The following SDE2 variants were observed in gnomAD, a reference collection of about 807,000 sequenced individuals.
SDE2 encodes the protein spliceosome associated SDE2.
A neutral mutation model predicts 46.9 loss-of-function variants in SDE2; 31 were observed. That is an observed-to-expected ratio of 0.66 (90% confidence interval 0.50 to 0.89). The LOEUF is 0.89. Among genes scored for constraint, SDE2 ranks in the 40% least tolerant of loss-of-function variants. The pLI is 0.00. For missense variants in SDE2, 542 were observed against 564.4 expected (o/e 0.96, Z 0.40); for synonymous variants, 205 against 204.3 (o/e 1.00, Z -0.03).
chr1:225,991,243 C>T lies in SDE2; in HGVS notation c.641G>A (p.Trp214Ter), dbSNP rs1558084413. ...GASAGKRRCF[W>*]LGMEGLETAE... ...TTGGGAACGAAAGTGAAACACTTAC[C>T]AGAAGCATCTCCTCTTTCCCGCACT... The change falls in exon 5 of 7, where the codon TGG becomes TAG. Residue 214 changes from tryptophan (W) to a stop codon, truncating the protein, a stop_gained and splice_region_variant. Coordinates refer to ENST00000272091, the MANE Select transcript of SDE2 (RefSeq NM_152608.4). LOFTEE classifies it high-confidence loss of function. 6.2e-7 allele frequency: 1 copy of T among 1,612,636 alleles called. No individual in the cohort carries two copies. The highest frequency in any genetic ancestry group is 1.1e-5 in the South Asian group (1 of 90,916).
chr1:225,986,541 G>A (rs1422454622), intron 6 of SDE2, among the ~76,000 whole-genome samples: 2 of 151,996 alleles, frequency 1.3e-5, no homozygotes, highest in African/African-American at 2.4e-5. Flanking sequence ...AGTTAACCTT[G>A]GCTTATTTAT....
chr1:225,988,538 G>C, intron 5 of SDE2, 150 bp from the exon 6 acceptor site: 1 of 708,580 alleles, frequency 1.4e-6, no homozygotes, highest in Non-Finnish European at 2.3e-6. Flanking sequence ...AGATCAGCCT[G>C]GCCAACACAG....
At position 225,985,219 on chromosome 1, in the gene SDE2, C is replaced by T. The variant is rs1656242741; in HGVS notation, c.*83G>A. ...CTAAAAAGTTAGCTTTTAATATCAA[C>T]AGGAATACTGGTCAAGAGTCCACAT... On this transcript the variant is annotated 3_prime_UTR_variant, in exon 7 of 7. Coordinates refer to ENST00000272091, the MANE Select transcript of SDE2 (RefSeq NM_152608.4). The T allele has an allele frequency of 2.8e-6, 3 of 1,076,306 alleles. No homozygotes were observed. Among genetic ancestry groups the T allele is most frequent in the Non-Finnish European group, 4.3e-6 (3 of 703,806 alleles). The allele number at this position is 1,076,306 out of a possible 1,614,324, so 66.7% of individuals were successfully genotyped here.
chr1:225,999,205 G>T lies in SDE2; in HGVS notation c.108C>A (p.His36Gln), dbSNP rs779760865. The T allele has an allele frequency of 6.2e-7, 1 of 1,612,500 alleles. No homozygotes were observed. Among genetic ancestry groups the T allele is most frequent in the South Asian group, 1.1e-5 (1 of 90,900 alleles). The change falls in exon 1 of 7, where the codon CAC (histidine) becomes CAA (glutamine). Residue 36 changes from histidine (H) to glutamine (Q), a missense_variant. By Grantham distance (24) the His-to-Gln change is conservative (BLOSUM62 0). Coordinates refer to ENST00000272091, the MANE Select transcript of SDE2 (RefSeq NM_152608.4). ...RCTVRDFIHRHCQDQNVPVEN... is the reference protein window; with the variant it reads ...RCTVRDFIHRQCQDQNVPVEN... ...CCGAAATCCTCACCTGATCTTGGCA[G>T]TGCCGGTGGATAAAATCCCGGACGG...
At chr1:225,992,747 T>C in intron 3 of SDE2, 144 bp downstream of exon 3, 1 of 674,396 alleles carries the variant, frequency 1.5e-6, no homozygotes, top group Non-Finnish European at 2.5e-6. Context: ...ATTATTAAAT[T>C]ATGGAAAAGG....
chr1:225,997,365 G>T (rs1369970575), intron 1 of SDE2, among the ~76,000 whole-genome samples: 1 of 152,022 alleles, frequency 6.6e-6, no homozygotes, highest in Non-Finnish European at 1.5e-5. Context: ...ATTCTTTTGT[G>T]TTTCTATTCA....
At chr1:225,987,814 C>G in intron 6 of SDE2, 82 bp downstream of exon 6, 1 of 1,272,464 alleles carries the variant, frequency 7.9e-7, no homozygotes, top group Non-Finnish European at 1.1e-6. Context: ...AGCTGAGGGG[C>G]AAAAGCACAT....
Position 225,995,273 on chromosome 1 carries a change from TC to T in SDE2, c.230del (p.Gly77GlufsTer46). ...TCAATGTTCAGGTCCTACCTCCTTT[TC>T]CACCGCAAAGTCTGGGTTCCAAACT... ...VYSLEPRLCG[G>X]KGGFGSMLRA... On this transcript the variant is annotated frameshift_variant, in exon 2 of 7. Transcript: ENST00000272091. LOFTEE classifies it high-confidence loss of function. The T allele has an allele frequency of 6.3e-7, 1 of 1,577,590 alleles. No homozygotes were observed. Among genetic ancestry groups the T allele is most frequent in the Non-Finnish European group, 8.7e-7 (1 of 1,147,902 alleles).
In SDE2 at chr1:225,991,278, G is replaced by T. The variant is rs949670528; in HGVS notation, c.606C>A (p.Asp202Glu). 6.2e-6 allele frequency: 10 copies of T among 1,613,642 alleles called. No individual in the cohort carries two copies. The highest frequency in any genetic ancestry group is 5.0e-5 in the Admixed American group (3 of 59,984). Reference sequence around the variant, plus strand: ...TCCTCTTTCCCGCACTGGCTCCTCTGTCTGTTTGAGATTTAGTAGGCCATT... The same window carrying T: ...TCCTCTTTCCCGCACTGGCTCCTCTTTCTGTTTGAGATTTAGTAGGCCATT... ...KRQWPTKSQTDRGASAGKRRC... is the reference protein window; with the variant it reads ...KRQWPTKSQTERGASAGKRRC... The change falls in exon 5 of 7, where the codon GAC becomes GAA. Residue 202 changes from aspartate (D) to glutamate (E), a missense_variant. By Grantham distance (45) the Asp-to-Glu change is conservative (BLOSUM62 2). Coordinates refer to ENST00000272091, the MANE Select transcript of SDE2 (RefSeq NM_152608.4).
chr1:225,988,516 G>A, intron 5 of SDE2, 128 bp from the exon 6 acceptor site: 1 of 863,646 alleles, frequency 1.2e-6, no homozygotes. Flanking sequence ...AGATCACGAA[G>A]TCAGTAGTTT....
In SDE2 at chr1:225,991,251, TCTC is replaced by T. The variant is rs757230117; in HGVS notation, c.630_632del (p.Arg211del). The T allele has an allele frequency of 2.5e-6, 4 of 1,613,456 alleles. No homozygotes were observed. The highest frequency in any genetic ancestry group is 3.4e-6 in the Non-Finnish European group (4 of 1,179,516). ...GAAAGTGAAACACTTACCAGAAGCATCTCCTCTTTCCCGCACTGGCTCCTCTGT... is the reference window on the plus strand; with the variant it reads ...GAAAGTGAAACACTTACCAGAAGCATCTCTTTCCCGCACTGGCTCCTCTGT... On this transcript the variant is annotated inframe_deletion, in exon 5 of 7. Coordinates refer to ENST00000272091, the MANE Select transcript of SDE2 (RefSeq NM_152608.4).
Position 225,992,511 on chromosome 1 carries a change from C to T in SDE2, c.407G>A (p.Arg136Gln), listed in dbSNP as rs769925412. 10 of 1,612,460 alleles carry T rather than the reference C, an allele frequency of 6.2e-6. No individual in the cohort carries two copies. The highest frequency in any genetic ancestry group is 2.2e-5 in the South Asian group (2 of 91,074). Residue 136 changes from arginine to glutamine, a missense_variant, in exon 4 of 7, where the codon CGG (arginine) becomes CAG (glutamine). Transcript: ENST00000272091. ...AAGCTTCCGCTGCAGTCGCTCCAGC[C>T]GCTTCTGCTCCTTTTCAGCCTCTCG... ...AEREAEKEQK[R>Q]LERLQRKLVE...
At chr1:225,996,058 G>A (rs1656518331) in intron 1 of SDE2, among the ~76,000 whole-genome samples, 1 of 152,172 alleles carries the variant, frequency 6.6e-6, no homozygotes, top group Non-Finnish European at 1.5e-5. Context: ...GCTGGTGGAT[G>A]TATGGAGACT....
chr1:225,999,303 C>G lies in SDE2; in HGVS notation c.10G>C (p.Ala4Pro), dbSNP rs897210734. The change falls in exon 1 of 7, where the codon GCC becomes CCC. Residue 4 changes from alanine to proline, a missense_variant. Ala to Pro is a conservative substitution (Grantham distance 27). This residue lies in a region of SDE2 where 135 missense variants were observed against 106.5 expected (regional missense o/e 1.27). Coordinates refer to ENST00000272091, the MANE Select transcript of SDE2 (RefSeq NM_152608.4). MAE[A>P]AALVWIRGPG... ...CCGCGAATCCACACCAGCGCCGCGG[C>G]CTCCGCCATGTCACCGACTACCCGA... 5 of 1,611,236 alleles carry G rather than the reference C, an allele frequency of 3.1e-6. No individual in the cohort carries two copies. Among genetic ancestry groups the G allele is most frequent in the Non-Finnish European group, 3.4e-6 (4 of 1,178,994 alleles).
intron 2 of SDE2, among the ~76,000 whole-genome samples, chr1:225,995,043 CAAAA>C (rs1342291897): frequency 6.6e-6 from 1 of 151,864 alleles, no homozygotes; most frequent in Non-Finnish European, 1.5e-5. Flanking sequence ...GGCAGTGTCT[CAAAA>C]GAAAGAAAAC....
At position 225,987,970 on chromosome 1, in the gene SDE2, C is replaced by A; in HGVS notation, c.1060G>T (p.Val354Phe). ...CTTTCTTCAGGTGCTACCTCAGCAA[C>A]TCTTTCCCCATCAGTCCTTTCTTCT... Reference protein sequence around the residue: ...ETEERTDGERVAEVAPEEREN... With the variant: ...ETEERTDGERFAEVAPEEREN... Residue 354 changes from valine to phenylalanine, a missense_variant, in exon 6 of 7, where the codon GTT becomes TTT. This residue lies in a region of SDE2 where 401 missense variants were observed against 437.8 expected (regional missense o/e 0.92). Coordinates refer to ENST00000272091, the MANE Select transcript of SDE2 (RefSeq NM_152608.4). 1.9e-6 allele frequency: 3 copies of A among 1,614,160 alleles called. No homozygotes were observed. The highest frequency in any genetic ancestry group is 2.2e-5 in the South Asian group (2 of 91,084).
At chr1:225,998,937 A>T (rs1314401759) in intron 1 of SDE2, among the ~76,000 whole-genome samples, 2 of 152,152 alleles carry the variant, frequency 1.3e-5, no homozygotes, top group African/African-American at 4.8e-5. Flanking sequence ...AAGTATTTGT[A>T]ACTGTGAGCG....
At chr1:225,997,216 G>C (rs1214189453) in intron 1 of SDE2, among the ~76,000 whole-genome samples, 3 of 152,084 alleles carry the variant, frequency 2.0e-5, no homozygotes, top group Non-Finnish European at 4.4e-5. Flanking sequence ...TGTTATCCCA[G>C]CCTGATGAAA....
intron 5 of SDE2, among the ~76,000 whole-genome samples, chr1:225,989,956 C>T (rs1271686096): frequency 1.3e-5 from 2 of 151,538 alleles, no homozygotes; most frequent in Non-Finnish European, 2.9e-5. Flanking sequence ...TGTACCCTAG[C>T]CCCAGCTACT....
Sources: allele counts gnomAD v4.1 joint callset (sites outside exome capture counted in the v4.1 genomes callset), GRCh38; gene constraint gnomAD v4.1.1; regional missense constraint gnomAD v4.1.1; transcripts MANE v1.5; gene names NCBI Gene and HGNC (gene_info 2026-07-23, HGNC 2026-07-21).